Variants in CDKL5 observed in about 807,000 individuals in gnomAD.
CDKL5 encodes the protein cyclin-dependent kinase-like 5.
A neutral mutation model predicts 61.7 loss-of-function variants in CDKL5; 8 were observed. The ratio of observed to expected loss-of-function variants is 0.13; its 90% CI spans 0.08 to 0.23. The LOEUF is 0.23. Among genes scored for constraint, CDKL5 ranks in the 10% least tolerant of loss-of-function variants. CDKL5 has a pLI of 1.00. For synonymous variants in CDKL5, 275 were observed against 272.3 expected, an observed-to-expected ratio of 1.01 and a Z score of -0.10; for missense variants, 440 against 734.5, an observed-to-expected ratio of 0.60 and a Z score of 4.63.
chrX:18,616,647 T>C (rs187348688), intron 15 of CDKL5, among the ~76,000 whole-genome samples: 31 of 109,270 alleles, frequency 2.8e-4, no homozygotes, highest in Non-Finnish European at 5.0e-4. Context: ...AAGAAAGAAA[T>C]CCCACTAGTT....
chrX:18,432,056 A>G (rs1931505217), intron 1 of CDKL5, among the ~76,000 whole-genome samples: 1 of 106,126 alleles, frequency 9.4e-6, no homozygotes, highest in African/African-American at 3.5e-5. Context: ...CTACAGGCAC[A>G]TGCCACTGCA....
At chrX:18,576,738 A>C (rs1337241858) in intron 5 of CDKL5, among the ~76,000 whole-genome samples, 1 of 110,554 alleles carries the variant, frequency 9.0e-6, no homozygotes, top group African/African-American at 3.3e-5. Flanking sequence ...AATCTGTTTT[A>C]AGTTTCTTTT....
chrX:18,580,818 CT>C (rs1419512059), intron 6 of CDKL5, among the ~76,000 whole-genome samples: 3 of 112,096 alleles, frequency 2.7e-5, no homozygotes, highest in Non-Finnish European at 5.6e-5. Flanking sequence ...AAGGATATCA[CT>C]TTAAAAATAT....
chrX:18,432,642 G>A (rs372125233), intron 1 of CDKL5, among the ~76,000 whole-genome samples: 127 of 91,023 alleles, frequency 1.4e-3, no homozygotes, highest in African/African-American at 4.5e-3. Context: ...TCTCAACTCT[G>A]TCACTCAGGC....
In CDKL5 at chrX:18,606,174, T is replaced by TCACACA. The variant is rs528800542; in HGVS notation, c.1944+1337_1944+1342dup. 6.6e-3 allele frequency among the ~76,000 whole-genome samples: 640 copies of TCACACA among 96,879 alleles called. 8 individuals carry two copies. Among genetic ancestry groups the TCACACA allele is most frequent in the African/African-American group, 0.021 (567 of 26,408 alleles). The allele number at this position is 96,879 out of a possible 115,157, so 84.1% of individuals were successfully genotyped here. ...TCAGCCTGGTGACAGAGCAAGACTG[T>TCACACA]CACACACACACACACACACACACAC... On this transcript the variant is annotated intron_variant, in intron 12 of 17. Coordinates refer to ENST00000623535, the MANE Select transcript of CDKL5 (RefSeq NM_001323289.2).
chrX:18,619,801 T>G, intron 15 of CDKL5, 66 bp from the exon 16 acceptor site: 1 of 738,066 alleles, frequency 1.4e-6, no homozygotes, highest in Non-Finnish European at 2.1e-6. Context: ...GTCCTTATTA[T>G]ATTTGTCACA....
At chrX:18,603,241 C>A (rs888593432) in intron 11 of CDKL5, among the ~76,000 whole-genome samples, 6 of 112,076 alleles carry the variant, frequency 5.4e-5, no homozygotes, top group African/African-American at 1.9e-4. Flanking sequence ...ATCTGAAGAG[C>A]CCCAAGTAAT....
At chrX:18,557,835 A>G (rs1169203336) in intron 3 of CDKL5, among the ~76,000 whole-genome samples, 3 of 112,262 alleles carry the variant, frequency 2.7e-5, no homozygotes, top group African/African-American at 6.5e-5. Flanking sequence ...GTTGATGATT[A>G]TAAGTCTGTC....
At position 18,564,526 on chromosome X, in the gene CDKL5, G is replaced by GAGAT; in HGVS notation, c.145+5_145+6insGATA. Reference sequence around the variant, plus strand: ...AAGAAATTCAAGGACAGTGAAGGTAGATATATATATATATATATATATATC... The same window carrying GAGAT: ...AAGAAATTCAAGGACAGTGAAGGTAGAGATATATATATATATATATATATATATC... On this transcript the variant is annotated splice_donor_region_variant and intron_variant, in intron 4 of 17. Transcript: ENST00000623535. The GAGAT allele has an allele frequency of 1.6e-6, 1 of 608,133 alleles. No individual in the cohort carries two copies. The allele number at this position is 608,133 out of a possible 1,213,427, so 50.1% of individuals were successfully genotyped here.
In CDKL5 at chrX:18,629,633, T is replaced by C. The variant is rs1344577503; in HGVS notation, c.*876T>C. ...GTAACAGTATGAACCTTGCTCAACTTTGAGGCCCCAGCAGTAGCCTCTAGA... is the reference window on the plus strand; with the variant it reads ...GTAACAGTATGAACCTTGCTCAACTCTGAGGCCCCAGCAGTAGCCTCTAGA... On this transcript the variant is annotated 3_prime_UTR_variant, in exon 18 of 18. Coordinates refer to ENST00000623535, the MANE Select transcript of CDKL5 (RefSeq NM_001323289.2). 1.1e-5 allele frequency: 8 copies of C among 752,367 alleles called. No individual in the cohort carries two copies. Among genetic ancestry groups the C allele is most frequent in the Non-Finnish European group, 1.3e-5 (8 of 639,086 alleles). The allele number at this position is 752,367 out of a possible 1,213,427, so 62.0% of individuals were successfully genotyped here. A position where few individuals can be genotyped will look rare whatever the true frequency, so the allele number is the denominator to read the frequency against.
chrX:18,495,569 G>A (rs1414929181), intron 1 of CDKL5, among the ~76,000 whole-genome samples: 1 of 111,967 alleles, frequency 8.9e-6, no homozygotes, highest in East Asian at 2.8e-4. Flanking sequence ...AGGGCATCTA[G>A]TTTAGTACAG....
intron 1 of CDKL5, among the ~76,000 whole-genome samples, chrX:18,476,086 T>C (rs187166351): frequency 1.2e-3 from 139 of 112,338 alleles, no homozygotes; most frequent in Non-Finnish European, 4.9e-4. Flanking sequence ...ATGTATTTCT[T>C]ACTGTGCTCA....
At chrX:18,522,749 A>G (rs944825651) in intron 3 of CDKL5, among the ~76,000 whole-genome samples, 3 of 107,939 alleles carry the variant, frequency 2.8e-5, no homozygotes, top group South Asian at 3.9e-4. Context: ...TTTTTAAGAA[A>G]TTTTTTTAAG....
chrX:18,432,524 A>C (rs1039089734), intron 1 of CDKL5, among the ~76,000 whole-genome samples: 2 of 110,511 alleles, frequency 1.8e-5, no homozygotes, highest in Non-Finnish European at 3.8e-5. Context: ...TTACAGGTGT[A>C]AGCTACCGTG....
intron 2 of CDKL5, among the ~76,000 whole-genome samples, chrX:18,508,167 A>G (rs902910995): frequency 1.8e-5 from 2 of 112,704 alleles, no homozygotes; most frequent in Non-Finnish European, 3.7e-5. Context: ...TTATATCTTT[A>G]AAGCATATGT....
At chrX:18,583,244 T>C (rs1446676135) in intron 7 of CDKL5, among the ~76,000 whole-genome samples, 1 of 110,608 alleles carries the variant, frequency 9.0e-6, no homozygotes, top group East Asian at 2.8e-4. Flanking sequence ...GAGAAAAGAC[T>C]GTTGTAAATG....
chrX:18,442,209 C>T (rs920649669), intron 1 of CDKL5: 1 of 111,112 alleles, frequency 9.0e-6, no homozygotes, highest in African/African-American at 3.3e-5. Context: ...CTTTAGAGCT[C>T]TGAGTGAGTG....
At chrX:18,436,887 A>T (rs2147620818) in intron 1 of CDKL5, among the ~76,000 whole-genome samples, 1 of 88,225 alleles carries the variant, frequency 1.1e-5, no homozygotes, top group South Asian at 6.1e-4. Flanking sequence ...TGACAGCGAG[A>T]CTCTTGACTC....
chrX:18,446,772 C>T (rs749180438), intron 1 of CDKL5, among the ~76,000 whole-genome samples: 58 of 112,109 alleles, frequency 5.2e-4, no homozygotes, highest in African/African-American at 1.7e-3. Context: ...AAATCTGCCA[C>T]TAAATATCAC....
Sources: gnomAD v4.1 joint callset for allele counts (sites outside exome capture counted in the v4.1 genomes callset) on GRCh38, gnomAD v4.1.1 for gene constraint, MANE v1.5 for transcripts, NCBI Gene and HGNC (gene_info 2026-07-23, HGNC 2026-07-21) for gene names.